The following XPNPEP3 variants were observed in gnomAD, a reference collection of about 807,000 sequenced individuals.
XPNPEP3 encodes xaa-Pro aminopeptidase 3.
In XPNPEP3, 41 loss-of-function variants were observed where a neutral mutation model predicts 60.0. The ratio of observed to expected loss-of-function variants is 0.68; its 90% CI spans 0.53 to 0.89. The LOEUF (loss-of-function observed/expected upper bound fraction) is 0.89. XPNPEP3 is among the 40% of genes least tolerant of loss of function. The pLI, the probability that XPNPEP3 is intolerant of heterozygous loss-of-function variation, is 0.00. For synonymous variants in XPNPEP3, 212 were observed against 223.2 expected, an observed-to-expected ratio of 0.95 and a Z score of 0.45; for missense variants, 598 against 638.9, an observed-to-expected ratio of 0.94 and a Z score of 0.69.
intron 5 of XPNPEP3, among the ~76,000 whole-genome samples, chr22:40,908,382 A>G (rs2058164384): frequency 6.6e-6 from 1 of 152,172 alleles, no homozygotes; most frequent in South Asian, 2.1e-4. Flanking sequence ...TTAGTTGGGC[A>G]TGGTAGCACA....
At position 40,889,933 on chromosome 22, in the gene XPNPEP3, TG is replaced by T. The variant is rs559798627; in HGVS notation, c.792+3419del. Reference sequence around the variant, plus strand: ...ATCCAATTACACTTTCTTGTGTTTTTGTACGAACTGTACAGTCCTTTGGCCT... The same window carrying T: ...ATCCAATTACACTTTCTTGTGTTTTTTACGAACTGTACAGTCCTTTGGCCT... On this transcript the variant is annotated intron_variant, in intron 4 of 9. Transcript: ENST00000357137. 1.6e-4 allele frequency among the ~76,000 whole-genome samples: 25 copies of T among 152,372 alleles called. 1 individual carries two copies. In the South Asian group the frequency reaches 3.5e-3, roughly 21 times the overall value.
chr22:40,888,277 T>C (rs1040229627), intron 4 of XPNPEP3, among the ~76,000 whole-genome samples: 2 of 152,222 alleles, frequency 1.3e-5, no homozygotes, highest in Admixed American at 1.3e-4. Flanking sequence ...AGAGTCTCGC[T>C]CTGTTGCCCA....
chr22:40,891,625 C>T (rs1409561272), intron 4 of XPNPEP3, among the ~76,000 whole-genome samples: 1 of 151,628 alleles, frequency 6.6e-6, no homozygotes, highest in Non-Finnish European at 1.5e-5. Flanking sequence ...TGCACTCCAG[C>T]CTGGGTGACA....
At chr22:40,867,702 T>C (rs1424782062) in intron 1 of XPNPEP3, among the ~76,000 whole-genome samples, 3 of 151,822 alleles carry the variant, frequency 2.0e-5, no homozygotes, top group Admixed American at 1.3e-4. Context: ...AGTGAGACTC[T>C]GTCTTAAAAA....
intron 1 of XPNPEP3, among the ~76,000 whole-genome samples, chr22:40,866,077 T>C (rs142302990): frequency 1.1e-4 from 16 of 152,324 alleles, no homozygotes; most frequent in East Asian, 1.9e-4. Context: ...CAGGCTTTCC[T>C]GTTGCATGTA....
chr22:40,905,004 A>G (rs1030457960), intron 4 of XPNPEP3, among the ~76,000 whole-genome samples: 6 of 152,076 alleles, frequency 3.9e-5, no homozygotes, highest in African/African-American at 1.4e-4. Context: ...CCTGGCCACA[A>G]GTGATCTACC....
At chr22:40,870,717 T>G (rs565444750) in intron 2 of XPNPEP3, among the ~76,000 whole-genome samples, 1 of 152,214 alleles carries the variant, frequency 6.6e-6, no homozygotes, top group Admixed American at 6.5e-5. Context: ...CAGAGTAAAT[T>G]TTTAAGAAAA....
At chr22:40,893,962 A>T (rs1414195464) in intron 4 of XPNPEP3, among the ~76,000 whole-genome samples, 1 of 152,166 alleles carries the variant, frequency 6.6e-6, no homozygotes, top group African/African-American at 2.4e-5. Flanking sequence ...TCACTCCTGG[A>T]AGTGTGCTTG....
At position 40,922,426 on chromosome 22, in the gene XPNPEP3, C is replaced by T; in HGVS notation, c.1149C>T (p.Asn383=). ...ALCFPGTSLE[N]IYSMMLTLIG... ...GCTTCCCTGGGACAAGCTTGGAGAA[C>T]ATCTACAGCATGATGCTGACCCTGA... Residue 383 remains asparagine, a synonymous_variant, in exon 8 of 10, where the codon AAC becomes AAT. Transcript: ENST00000357137. 6.2e-7 allele frequency: 1 copy of T among 1,613,914 alleles called. No homozygotes were observed. The highest frequency in any genetic ancestry group is 8.5e-7 in the Non-Finnish European group (1 of 1,179,888).
rs930017715 is a variant in XPNPEP3 at position 40,860,904 on chromosome 22, T to A, written c.64+3659T>A. ...CCAACTGTCACCACAAACTCATCCT[T>A]TTCTGACATACCCATTCAAAAAAAC... is the stretch of plus-strand genomic sequence containing the variant. On this transcript the variant is annotated intron_variant, in intron 1 of 9. Transcript: ENST00000357137. 5 of 715,278 alleles carry A rather than the reference T, an allele frequency of 7.0e-6. No individual in the cohort carries two copies. The African/African-American group carries it at 9.0e-5, about 13-fold the overall frequency. The allele number at this position is 715,278 out of a possible 1,614,324, so 44.3% of individuals were successfully genotyped here.
intron 1 of XPNPEP3, among the ~76,000 whole-genome samples, chr22:40,864,902 G>A (rs1398075247): frequency 6.6e-6 from 1 of 152,182 alleles, no homozygotes; most frequent in East Asian, 1.9e-4. Context: ...AACCCCTACT[G>A]AAGATGGAGT....
intron 3 of XPNPEP3, among the ~76,000 whole-genome samples, chr22:40,885,837 C>T (rs1002617554): frequency 6.6e-6 from 1 of 152,114 alleles, no homozygotes. Context: ...CAAAAATTAG[C>T]TGGGCATGGT....
At chr22:40,868,335 C>T (rs2065068780) in intron 1 of XPNPEP3, among the ~76,000 whole-genome samples, 1 of 152,118 alleles carries the variant, frequency 6.6e-6, no homozygotes, top group Non-Finnish European at 1.5e-5. Context: ...GATACCCTTT[C>T]AAACTGCCTC....
chr22:40,898,224 C>CTTTTTTTTTTTTTTTTTT (rs1405343173), intron 4 of XPNPEP3, among the ~76,000 whole-genome samples: 1 of 70,228 alleles, frequency 1.4e-5, no homozygotes, highest in Non-Finnish European at 2.8e-5. Context: ...GTCTTTGACC[C>CTTTTTTTTTTTTTTTTTT]ATTTTTTTTT....
intron 4 of XPNPEP3, among the ~76,000 whole-genome samples, chr22:40,906,449 T>C (rs1216640083): frequency 1.3e-5 from 2 of 151,244 alleles, no homozygotes; most frequent in African/African-American, 2.4e-5. Flanking sequence ...CACACACATA[T>C]AGTGTGGTTA....
chr22:40,903,874 TCACACACACA>T (rs10560459), intron 4 of XPNPEP3, among the ~76,000 whole-genome samples: 50 of 146,018 alleles, frequency 3.4e-4, no homozygotes, highest in East Asian at 1.2e-3. Flanking sequence ...TCTCTCTCTG[TCACACACACA>T]CACACACACA....
rs1021496892 is a variant in XPNPEP3, at chr22:40,886,407, G to A, written c.684G>A (p.Lys228=). The change falls in exon 4 of 10, where the codon AAG becomes AAA. Residue 228 remains lysine (K), a synonymous_variant. Transcript: ENST00000357137. ...YMQPLTEAKA[K]SKNKVRGVQQ... ...AGCCCCTGACTGAGGCCAAAGCCAA[G>A]AGCAAGAACAAGGTTCGGGGTGTTC... is the stretch of plus-strand genomic sequence containing the variant. 5.6e-6 allele frequency: 9 copies of A among 1,614,080 alleles called. No individual in the cohort carries two copies. Among genetic ancestry groups the A allele is most frequent in the Non-Finnish European group, 7.6e-6 (9 of 1,180,048 alleles).
intron 4 of XPNPEP3, among the ~76,000 whole-genome samples, chr22:40,886,753 G>A (rs527870731): frequency 1.3e-5 from 2 of 151,224 alleles, no homozygotes; most frequent in South Asian, 2.1e-4. Context: ...TGTGAACCCG[G>A]GAGGCAGAGC....
At chr22:40,889,741 A>T (rs1362543432) in intron 4 of XPNPEP3, among the ~76,000 whole-genome samples, 3 of 152,230 alleles carry the variant, frequency 2.0e-5, no homozygotes, top group Non-Finnish European at 4.4e-5. Context: ...AGGCAGAAGG[A>T]TCACTTGAGC....
Sources: gnomAD v4.1 joint callset for allele counts (sites outside exome capture counted in the v4.1 genomes callset) on GRCh38, gnomAD v4.1.1 for gene constraint, MANE v1.5 for transcripts, NCBI Gene and HGNC (gene_info 2026-07-23, HGNC 2026-07-21) for gene names.